UGT1A4: variants seen among roughly 807,000 people sequenced by gnomAD.
UGT1A4 encodes the protein UDP glucuronosyltransferase family 1 member A4.
In UGT1A4, 32 loss-of-function variants were observed where a neutral mutation model predicts 41.1. The observed-to-expected ratio is 0.78, with a 90% CI of 0.59 to 1.05. The LOEUF (loss-of-function observed/expected upper bound fraction) is 1.05. Among genes scored for constraint, UGT1A4 ranks in the 50% least tolerant of loss-of-function variants. The pLI, the probability that UGT1A4 is intolerant of heterozygous loss-of-function variation, is 0.00. For missense variants in UGT1A4, 748 were observed against 677.4 expected (o/e 1.10, Z -1.16); for synonymous variants, 283 against 265.1 (o/e 1.07, Z -0.66).
intron 1 of UGT1A4, among the ~76,000 whole-genome samples, chr2:233,761,308 T>C (rs72551346): frequency 6.6e-6 from 1 of 152,246 alleles, no homozygotes; most frequent in Non-Finnish European, 1.5e-5. Context: ...GAGTCTGTCT[T>C]TGGCATCATC....
At chr2:233,747,673 T>G in intron 1 of UGT1A4, 1 of 1,605,188 alleles carries the variant, frequency 6.2e-7, no homozygotes, top group Non-Finnish European at 8.5e-7. Context: ...ATAGACCCAA[T>G]TTACCTCTGT....
At chr2:233,742,731 A>G (rs1692080362) in intron 1 of UGT1A4, 1 of 152,930 alleles carries the variant, frequency 6.5e-6, no homozygotes, top group Non-Finnish European at 1.5e-5. Context: ...TATGGGATTC[A>G]AATGTCTGAC....
Position 233,724,804 on chromosome 2 carries a change from G to A in UGT1A4, c.867+5117G>A, listed in dbSNP as rs1450931342. ...TCACTTCCCAGACGGGGTGGCGGCCGGGCAGAGGCTGCAATCTCGGCACTT... is the reference window on the plus strand; with the variant it reads ...TCACTTCCCAGACGGGGTGGCGGCCAGGCAGAGGCTGCAATCTCGGCACTT... On this transcript the variant is annotated intron_variant, in intron 1 of 4. Coordinates refer to ENST00000373409, the MANE Select transcript of UGT1A4 (RefSeq NM_007120.3). 4.1e-4 allele frequency among the ~76,000 whole-genome samples: 57 copies of A among 138,728 alleles called. 3 individuals are homozygous for A. Among genetic ancestry groups the A allele is most frequent in the Non-Finnish European group, 8.3e-4 (54 of 64,962 alleles). The allele number at this position is 138,728 out of a possible 152,430, so 91.0% of individuals were successfully genotyped here. A position where few individuals can be genotyped will look rare whatever the true frequency, so the allele number is the denominator to read the frequency against.
chr2:233,760,894 C>A, intron 1 of UGT1A4: 1 of 1,614,174 alleles, frequency 6.2e-7, no homozygotes, highest in Non-Finnish European at 8.5e-7. Context: ...TCATTCAGAT[C>A]ACATGACCTT....
At chr2:233,767,811 GTTCT>G (rs753422454) in intron 2 of UGT1A4, 34 bp from the exon 3 acceptor site, 1 of 1,614,124 alleles carries the variant, frequency 6.2e-7, no homozygotes, top group South Asian at 1.1e-5. Flanking sequence ...ATCATATTAT[GTTCT>G]TTCTTTACGT....
intron 1 of UGT1A4, among the ~76,000 whole-genome samples, chr2:233,728,297 G>C (rs1288771373): frequency 6.6e-6 from 1 of 152,214 alleles, no homozygotes; most frequent in Non-Finnish European, 1.5e-5. Context: ...GAGGAATTCA[G>C]ACTGTGCAAG....
chr2:233,763,933 G>A (rs1374530707), intron 1 of UGT1A4, among the ~76,000 whole-genome samples: 1 of 152,232 alleles, frequency 6.6e-6, no homozygotes, highest in African/African-American at 2.4e-5. Context: ...ATGGCCAGGA[G>A]AGGAAAGCTT....
intron 1 of UGT1A4, among the ~76,000 whole-genome samples, chr2:233,742,120 G>T (rs910307834): frequency 7.9e-5 from 12 of 151,826 alleles, no homozygotes; most frequent in Admixed American, 6.5e-5. Flanking sequence ...CAGCTTGGTC[G>T]TGGAGACCCT....
Position 233,768,439 on chromosome 2 carries a change from G to A in UGT1A4, c.1307G>A (p.Ser436Asn), listed in dbSNP as rs1306719122. The change falls in exon 4 of 5, where the codon AGT becomes AAT. Residue 436 changes from serine (S) to asparagine (N), a missense_variant and splice_region_variant. Coordinates refer to ENST00000373409, the MANE Select transcript of UGT1A4 (RefSeq NM_007120.3). ...NALKAVINDK[S>N]YKENIMRLSS... The stretch of plus-strand genomic sequence containing the variant: ...CTAAAAGCAGTCATCAATGACAAAA[G>A]GTAAGAAAGAAGATACAGAAGAATA... 3.1e-6 allele frequency: 5 copies of A among 1,613,244 alleles called. No individual in the cohort carries two copies. The highest frequency in any genetic ancestry group is 1.3e-5 in the African/African-American group (1 of 74,970).
At chr2:233,729,387 T>G (rs1242626622) in intron 1 of UGT1A4, 1 of 1,613,946 alleles carries the variant, frequency 6.2e-7, no homozygotes, top group Non-Finnish European at 8.5e-7. Context: ...GGACCCAGGA[T>G]GAATTTGATC....
chr2:233,772,776 CTT>C lies in UGT1A4; in HGVS notation c.*219_*220del. On this transcript the variant is annotated 3_prime_UTR_variant, in exon 5 of 5. Transcript: ENST00000373409. Reference sequence around the variant, plus strand: ...ATATGTATCGTGCCCCCTCTGGTGTCTTTGATCAGGATGACATGTGCCATTTT... The same window carrying C: ...ATATGTATCGTGCCCCCTCTGGTGTCTGATCAGGATGACATGTGCCATTTT... The C allele has an allele frequency of 7.6e-7, 1 of 1,308,314 alleles. No individual in the cohort carries two copies. The highest frequency in any genetic ancestry group is 1.0e-6 in the Non-Finnish European group (1 of 993,234). The allele number at this position is 1,308,314 out of a possible 1,614,324, so 81.0% of individuals were successfully genotyped here.
chr2:233,731,014 G>A (rs759586462), intron 1 of UGT1A4, among the ~76,000 whole-genome samples: 7 of 152,190 alleles, frequency 4.6e-5, no homozygotes, highest in Non-Finnish European at 7.3e-5. Context: ...TACATCGTGA[G>A]AGAATCAGCC....
chr2:233,742,570 A>C (rs1348152988), intron 1 of UGT1A4, among the ~76,000 whole-genome samples: 2 of 151,766 alleles, frequency 1.3e-5, no homozygotes, highest in Non-Finnish European at 2.9e-5. Flanking sequence ...TTCTGGCCGG[A>C]ATTGGGGGCT....
At chr2:233,757,471 C>G (rs1223832347) in intron 1 of UGT1A4, among the ~76,000 whole-genome samples, 8 of 147,498 alleles carry the variant, frequency 5.4e-5, no homozygotes, top group African/African-American at 1.5e-4. Context: ...CTTACTGTCT[C>G]CAAAACCATG....
Position 233,745,045 on chromosome 2 carries a change from G to C in UGT1A4, c.868-21989G>C, listed in dbSNP as rs1692994086. Among the ~76,000 whole-genome samples the C allele has an allele frequency of 2.0e-5, 3 of 151,744 alleles. No homozygotes were observed. In the South Asian group the frequency reaches 6.2e-4, roughly 32 times the overall value. ...ATGTAAATAGTTGTTTTACAGTATT[G>C]GTTTTTTATTTGTATTATTTGTATT... On this transcript the variant is annotated intron_variant, in intron 1 of 4. Coordinates refer to ENST00000373409, the MANE Select transcript of UGT1A4 (RefSeq NM_007120.3).
Position 233,719,615 on chromosome 2 carries a change from C to T in UGT1A4, c.795C>T (p.Tyr265=). The stretch of plus-strand genomic sequence containing the variant: ...TCCGAGGGGACTTTGTGATGGACTA[C>T]CCCAGGCCGATCATGCCCAACATGG... The part of the protein sequence containing the change: ...WLFRGDFVMD[Y]PRPIMPNMVF... The change falls in exon 1 of 5, where the codon TAC becomes TAT. Residue 265 remains tyrosine, a synonymous_variant. Transcript: ENST00000373409. The T allele has an allele frequency of 6.2e-7, 1 of 1,614,016 alleles. No individual in the cohort carries two copies. Among genetic ancestry groups the T allele is most frequent in the Non-Finnish European group, 8.5e-7 (1 of 1,179,932 alleles).
chr2:233,731,334 T>C (rs1331182525), intron 1 of UGT1A4, among the ~76,000 whole-genome samples: 1 of 151,782 alleles, frequency 6.6e-6, no homozygotes, highest in African/African-American at 2.4e-5. Context: ...TGTGCACAAA[T>C]TGCAGGTTTG....
At chr2:233,726,002 C>CA (rs1248368062) in intron 1 of UGT1A4, among the ~76,000 whole-genome samples, 5 of 151,912 alleles carry the variant, frequency 3.3e-5, no homozygotes, top group African/African-American at 1.2e-4. Flanking sequence ...TGCATCTCTA[C>CA]AAAAAATCAA....
Position 233,767,084 on chromosome 2 carries a change from C to G in UGT1A4, c.918C>G (p.Phe306Leu). 6.2e-7 allele frequency: 1 copy of G among 1,614,120 alleles called. No homozygotes were observed. Among genetic ancestry groups the G allele is most frequent in the Non-Finnish European group, 8.5e-7 (1 of 1,180,022 alleles). The change falls in exon 2 of 5, where the codon TTC becomes TTG. Residue 306 changes from phenylalanine (F) to leucine (L), a missense_variant. Transcript: ENST00000373409. ...NASGEHGIVV[F>L]SLGSMVSEIP... ...CTGGAGAACATGGAATTGTGGTTTT[C>G]TCTTTGGGATCAATGGTCTCAGAAA...
Sources: gnomAD v4.1 joint callset for allele counts (sites outside exome capture counted in the v4.1 genomes callset) on GRCh38, gnomAD v4.1.1 for gene constraint, MANE v1.5 for transcripts, NCBI Gene and HGNC (gene_info 2026-07-23, HGNC 2026-07-21) for gene names.